The following TRDMT1 variants were observed in gnomAD, a reference collection of about 807,000 sequenced individuals.
TRDMT1 encodes the protein tRNA aspartic acid methyltransferase 1.
TRDMT1 carries 49 observed loss-of-function variants against 51.2 expected under a neutral mutation model. The observed-to-expected ratio is 0.96, with a 90% CI of 0.76 to 1.21. The LOEUF is 1.21. TRDMT1 is among the 50% of genes most tolerant of loss of function. The pLI, the probability that TRDMT1 is intolerant of heterozygous loss-of-function variation, is 0.00. For missense variants in TRDMT1, 534 were observed against 462.3 expected (o/e 1.16, Z -1.42); for synonymous variants, 187 against 164.6 (o/e 1.14, Z -1.04).
In TRDMT1 at chr10:17,147,207, G is replaced by A. The variant is rs1838194330; in HGVS notation, c.*1833C>T. On this transcript the variant is annotated 3_prime_UTR_variant, in exon 11 of 11. Transcript: ENST00000377799. The stretch of plus-strand genomic sequence containing the variant: ...CAGTGAACAGAACCTACATGAAAGT[G>A]TGCCAAAATAATTTGTGATTGTTTA... 5.1e-6 allele frequency: 5 copies of A among 985,678 alleles called. No homozygotes were observed. In the African/African-American group the frequency reaches 7.0e-5, roughly 14 times the overall value. The allele number at this position is 985,678 out of a possible 1,614,324, so 61.1% of individuals were successfully genotyped here. A position where few individuals can be genotyped will look rare whatever the true frequency, so the allele number is the denominator to read the frequency against.
intron 6 of TRDMT1, among the ~76,000 whole-genome samples, chr10:17,160,103 T>G (rs894618191): frequency 3.3e-5 from 5 of 152,130 alleles, no homozygotes; most frequent in African/African-American, 1.2e-4. Flanking sequence ...GCTATATAAT[T>G]GTTTTTCATA....
chr10:17,190,590 G>A (rs1844558907), intron 1 of TRDMT1, among the ~76,000 whole-genome samples: 2 of 152,138 alleles, frequency 1.3e-5, no homozygotes, highest in African/African-American at 4.8e-5. Context: ...GAACAAAAAT[G>A]TTTTATCATG....
chr10:17,154,389 ATTG>A (rs1485894104), intron 9 of TRDMT1, among the ~76,000 whole-genome samples: 4 of 152,142 alleles, frequency 2.6e-5, no homozygotes, highest in African/African-American at 9.7e-5. Context: ...AACATTAACT[ATTG>A]TAGGCTGAGT....
intron 3 of TRDMT1, among the ~76,000 whole-genome samples, chr10:17,165,341 C>T (rs1841036707): frequency 6.6e-6 from 1 of 152,200 alleles, no homozygotes. Flanking sequence ...AACTGGATCC[C>T]TTCCTTACAC....
intron 2 of TRDMT1, chr10:17,171,984 A>T (rs1314458219): frequency 1.8e-5 from 3 of 167,068 alleles, no homozygotes; most frequent in South Asian, 4.2e-4. Context: ...ATCACGGATC[A>T]CTCTGTCTTC....
rs983521211 is a variant in TRDMT1 at position 17,149,140 on chromosome 10, C to A, written c.1076G>T (p.Gly359Val). The part of the protein sequence containing the change: ...ANLLGFPPEF[G>V]FPEKITVKQR... ...TTTCACTGTTATCTTCTCAGGAAAT[C>A]CTAAAAAGACAAAGAACAATTTAAA... The change falls in exon 11 of 11, where the codon GGA becomes GTA. Residue 359 changes from glycine (G) to valine (V), a missense_variant and splice_region_variant. Gly to Val is a moderately radical substitution (Grantham distance 109, BLOSUM62 -3). Coordinates refer to ENST00000377799, the MANE Select transcript of TRDMT1 (RefSeq NM_004412.7). The A allele has an allele frequency of 9.4e-6, 15 of 1,599,558 alleles. No individual in the cohort carries two copies. In the African/African-American group the frequency reaches 1.9e-4, roughly 20 times the overall value.
chr10:17,162,145 T>C (rs1252073162), intron 4 of TRDMT1, 21 bp downstream of exon 4: 1 of 1,586,922 alleles, frequency 6.3e-7, no homozygotes, highest in South Asian at 1.1e-5. Flanking sequence ...GGTAAGCTTG[T>C]ACAGGAACCT....
At chr10:17,171,950 T>C (rs1842086791) in intron 2 of TRDMT1, 2 of 166,886 alleles carry the variant, frequency 1.2e-5, no homozygotes, top group South Asian at 4.1e-4. Flanking sequence ...GTCATTCTCC[T>C]CTTCAGAGGC....
At position 17,151,105 on chromosome 10, in the gene TRDMT1, T is replaced by A. The variant is rs149184641; in HGVS notation, c.1076-1965A>T. 2.8e-4 allele frequency: 221 copies of A among 776,634 alleles called. No individual in the cohort carries two copies. In the African/African-American group the frequency reaches 3.9e-3, roughly 14 times the overall value. The allele number at this position is 776,634 out of a possible 1,614,324, so 48.1% of individuals were successfully genotyped here. ...AGTTTTTGCCACTGAAAGTAAAGCATCTGTGCATATTTCTTTAAATCTAAA... is the reference window on the plus strand; with the variant it reads ...AGTTTTTGCCACTGAAAGTAAAGCAACTGTGCATATTTCTTTAAATCTAAA... On this transcript the variant is annotated intron_variant, in intron 10 of 10. Coordinates refer to ENST00000377799, the MANE Select transcript of TRDMT1 (RefSeq NM_004412.7).
chr10:17,148,521 A>G lies in TRDMT1; in HGVS notation c.*519T>C, dbSNP rs1462404944. On this transcript the variant is annotated 3_prime_UTR_variant, in exon 11 of 11. Transcript: ENST00000377799. ...CCTGACATATTCTTCAGTCTGCTGT[A>G]TAAACTGAATGATGATAATTTGGTT... is the stretch of plus-strand genomic sequence containing the variant. 1.0e-6 allele frequency: 1 copy of G among 985,212 alleles called. No individual in the cohort carries two copies. Among genetic ancestry groups the G allele is most frequent in the Non-Finnish European group, 1.2e-6 (1 of 829,834 alleles). The allele number at this position is 985,212 out of a possible 1,614,324, so 61.0% of individuals were successfully genotyped here. A position where few individuals can be genotyped will look rare whatever the true frequency, so the allele number is the denominator to read the frequency against.
At chr10:17,173,538 G>C (rs1842290850) in intron 2 of TRDMT1, among the ~76,000 whole-genome samples, 1 of 152,112 alleles carries the variant, frequency 6.6e-6, no homozygotes, top group African/African-American at 2.4e-5. Flanking sequence ...CCTGGGTTGG[G>C]GTTGGAGACT....
At chr10:17,187,271 T>C (rs1779812154) in intron 1 of TRDMT1, among the ~76,000 whole-genome samples, 1 of 152,100 alleles carries the variant, frequency 6.6e-6, no homozygotes. Context: ...AAACAAGAAA[T>C]GCACATAATA....
At chr10:17,201,514 G>A (rs1846173861) in intron 1 of TRDMT1, 57 bp downstream of exon 1, 2 of 1,510,870 alleles carry the variant, frequency 1.3e-6, no homozygotes, top group Non-Finnish European at 1.8e-6. Context: ...CCCGGCGCGG[G>A]TGCTCCAACC....
rs537672128 is a variant in TRDMT1 at position 17,148,611 on chromosome 10, A to G, written c.*429T>C. On this transcript the variant is annotated 3_prime_UTR_variant, in exon 11 of 11. Coordinates refer to ENST00000377799, the MANE Select transcript of TRDMT1 (RefSeq NM_004412.7). ...ATTTACAGGATTGGAAATTAAGTAA[A>G]ACATTCAATGGGCTAGAATTAGAAT... 4.6e-5 allele frequency: 45 copies of G among 971,804 alleles called. No homozygotes were observed. The highest frequency in any genetic ancestry group is 5.3e-4 in the Middle Eastern group (1 of 1,876). 60.2% of individuals were successfully genotyped at this position (971,804 alleles called of 1,614,324 possible).
chr10:17,146,515 C>T lies in TRDMT1; in HGVS notation c.*2525G>A, dbSNP rs7075029. On this transcript the variant is annotated 3_prime_UTR_variant, in exon 11 of 11. Coordinates refer to ENST00000377799, the MANE Select transcript of TRDMT1 (RefSeq NM_004412.7). ...TTTACATTAATTGATTTGGTCATCT[C>T]TTAGAATTAGTTTTGGATCCTGAAG... 0.99 allele frequency: 971,703 copies of T among 985,224 alleles called. 479,960 individuals carry two copies. Among genetic ancestry groups the T allele is most frequent in the Non-Finnish European group, 1 (828,319 of 829,816 alleles). 61.0% of individuals were successfully genotyped at this position (985,224 alleles called of 1,614,324 possible).
Position 17,153,543 on chromosome 10 carries a change from C to A in TRDMT1, c.1039G>T (p.Glu347Ter). 1 of 1,613,976 alleles carries A rather than the reference C, an allele frequency of 6.2e-7. No homozygotes were observed. ...GGAAATCCAAGGAGATTTGCTATTTCTTTAGGAGTGAAATATCGCAGTTTA... is the reference window on the plus strand; with the variant it reads ...GGAAATCCAAGGAGATTTGCTATTTATTTAGGAGTGAAATATCGCAGTTTA... ...ILKLRYFTPK[E>*]IANLLGFPPE... Residue 347 changes from glutamate to a stop codon, truncating the protein, a stop_gained, in exon 10 of 11, where the codon GAA (glutamate) becomes TAA (stop). Coordinates refer to ENST00000377799, the MANE Select transcript of TRDMT1 (RefSeq NM_004412.7). LOFTEE classifies it high-confidence loss of function.
intron 2 of TRDMT1, among the ~76,000 whole-genome samples, chr10:17,169,794 C>G (rs1307907830): frequency 6.6e-6 from 1 of 152,136 alleles, no homozygotes; most frequent in Non-Finnish European, 1.5e-5. Flanking sequence ...TTTGAATGTG[C>G]TTGTCTATCA....
intron 1 of TRDMT1, among the ~76,000 whole-genome samples, chr10:17,189,469 A>G (rs1281486221): frequency 2.0e-5 from 3 of 152,178 alleles, no homozygotes; most frequent in African/African-American, 7.2e-5. Flanking sequence ...AAATTAATGA[A>G]AAGAAATCTC....
At chr10:17,168,000 C>G (rs1841440498) in intron 3 of TRDMT1, among the ~76,000 whole-genome samples, 1 of 151,976 alleles carries the variant, frequency 6.6e-6, no homozygotes, top group Non-Finnish European at 1.5e-5. Flanking sequence ...GTGATTAATG[C>G]TTAATTATAA....
Sources: gnomAD v4.1 joint callset for allele counts (sites outside exome capture counted in the v4.1 genomes callset) on GRCh38, gnomAD v4.1.1 for gene constraint, MANE v1.5 for transcripts, NCBI Gene and HGNC (gene_info 2026-07-23, HGNC 2026-07-21) for gene names.